Variants in MCTP1 observed in about 807,000 individuals in gnomAD.
MCTP1 encodes multiple C2 and transmembrane domain-containing protein 1.
A neutral mutation model predicts 120.6 loss-of-function variants in MCTP1; 69 were observed. The observed-to-expected ratio is 0.57, with a 90% CI of 0.47 to 0.70. The LOEUF (loss-of-function observed/expected upper bound fraction) is 0.70. MCTP1 is among the 30% of genes least tolerant of loss of function. The pLI is 0.00. For synonymous variants in MCTP1, 529 were observed against 493.1 expected (o/e 1.07, Z -0.96); for missense variants, 1,203 against 1,248.8 (o/e 0.96, Z 0.55).
At chr5:95,004,618 C>T (rs1208713357) in intron 2 of MCTP1, among the ~76,000 whole-genome samples, 1 of 152,152 alleles carries the variant, frequency 6.6e-6, no homozygotes, top group Non-Finnish European at 1.5e-5. Context: ...TGCTAAAAGG[C>T]CCCAGATATG....
chr5:94,801,115 G>A (rs1172013863), intron 17 of MCTP1, among the ~76,000 whole-genome samples: 1 of 152,054 alleles, frequency 6.6e-6, no homozygotes, highest in Non-Finnish European at 1.5e-5. Context: ...TTTGGCTAAA[G>A]TCCATATTCT....
At chr5:94,845,784 C>T (rs1343592016) in intron 17 of MCTP1, among the ~76,000 whole-genome samples, 1 of 152,110 alleles carries the variant, frequency 6.6e-6, no homozygotes, top group Non-Finnish European at 1.5e-5. Context: ...ACTCCTGGGG[C>T]CAGGTGACCA....
chr5:95,264,164 T>G (rs1012418008), intron 1 of MCTP1, among the ~76,000 whole-genome samples: 4 of 152,240 alleles, frequency 2.6e-5, no homozygotes, highest in African/African-American at 7.2e-5. Context: ...AGTGGATTTA[T>G]CCCTTGAGCG....
chr5:94,735,419 C>T (rs753458545), intron 19 of MCTP1, among the ~76,000 whole-genome samples: 10 of 152,148 alleles, frequency 6.6e-5, no homozygotes, highest in Non-Finnish European at 1.3e-4. Flanking sequence ...GCTGAGACTA[C>T]AGGCGTACAC....
chr5:94,775,741 C>T (rs1775149277), intron 19 of MCTP1, among the ~76,000 whole-genome samples: 3 of 151,958 alleles, frequency 2.0e-5, no homozygotes, highest in African/African-American at 4.8e-5. Flanking sequence ...AGACTCACCA[C>T]GTAAAACCTG....
chr5:95,110,652 C>A, intron 1 of MCTP1, among the ~76,000 whole-genome samples: 2 of 152,186 alleles, frequency 1.3e-5, no homozygotes, highest in Admixed American at 1.3e-4. Flanking sequence ...TAGTACCATC[C>A]AGATGATAGT....
intron 2 of MCTP1, among the ~76,000 whole-genome samples, chr5:95,003,889 C>T (rs755710504): frequency 2.6e-5 from 4 of 152,154 alleles, no homozygotes; most frequent in Non-Finnish European, 5.9e-5. Context: ...AATGTGGCAG[C>T]AGCTATGGAA....
intron 1 of MCTP1, among the ~76,000 whole-genome samples, chr5:95,054,134 T>G (rs529669680): frequency 3.3e-5 from 5 of 152,306 alleles, no homozygotes; most frequent in East Asian, 1.9e-4. Flanking sequence ...GAAGTGATCT[T>G]ATTCTGCTCC....
intron 19 of MCTP1, among the ~76,000 whole-genome samples, chr5:94,739,718 G>A (rs192489934): frequency 5.9e-5 from 9 of 152,310 alleles, no homozygotes; most frequent in Admixed American, 5.2e-4. Context: ...AGCCTGGAGT[G>A]CAATGGCATG....
chr5:95,137,479 T>C (rs1262345722), intron 1 of MCTP1, among the ~76,000 whole-genome samples: 2 of 152,184 alleles, frequency 1.3e-5, no homozygotes, highest in African/African-American at 4.8e-5. Flanking sequence ...AAAACTAAAG[T>C]TGCATGCAAT....
In MCTP1 at chr5:95,262,058, T is replaced by A. The variant is rs977770419; in HGVS notation, c.720+21798A>T. 6.6e-5 allele frequency among the ~76,000 whole-genome samples: 10 copies of A among 152,280 alleles called. No homozygotes were observed. In the South Asian group the frequency reaches 1.9e-3, roughly 28 times the overall value. The stretch of plus-strand genomic sequence containing the variant: ...GGCTGTGTCCTGAGGCCAACGGCAA[T>A]GCCTAGTAGGGGCACAGCTGTGAAG... On this transcript the variant is annotated intron_variant, in intron 1 of 22. Coordinates refer to ENST00000515393, the MANE Select transcript of MCTP1 (RefSeq NM_024717.7).
At chr5:95,099,003 G>T (rs1267321609) in intron 1 of MCTP1, among the ~76,000 whole-genome samples, 3 of 152,032 alleles carry the variant, frequency 2.0e-5, no homozygotes, top group Admixed American at 2.0e-4. Context: ...ACAAACCTGA[G>T]AAAAACAAGC....
At chr5:94,718,176 G>A (rs886305382) in intron 19 of MCTP1, among the ~76,000 whole-genome samples, 6 of 151,920 alleles carry the variant, frequency 3.9e-5, no homozygotes, top group African/African-American at 1.2e-4. Flanking sequence ...ATACACCAAC[G>A]GAATAGAAAA....
At position 95,075,753 on chromosome 5, in the gene MCTP1, A is replaced by T. The variant is rs145416213; in HGVS notation, c.721-58269T>A. On this transcript the variant is annotated intron_variant, in intron 1 of 22. Coordinates refer to ENST00000515393, the MANE Select transcript of MCTP1 (RefSeq NM_024717.7). ...TTATCTTTGTTTCTACCCCTTAGAAAACTTGAAACAATAACTTTCTTAACA... is the reference window on the plus strand; with the variant it reads ...TTATCTTTGTTTCTACCCCTTAGAATACTTGAAACAATAACTTTCTTAACA... 3.1e-3 allele frequency among the ~76,000 whole-genome samples: 475 copies of T among 152,344 alleles called. 1 individual carries two copies. Among genetic ancestry groups the T allele is most frequent in the South Asian group, 0.01 (49 of 4,828 alleles).
In MCTP1 at chr5:94,716,293, CAGCT is replaced by C. The variant is rs1759298829; in HGVS notation, c.2611-1411_2611-1408del. On this transcript the variant is annotated intron_variant, in intron 19 of 22. Transcript: ENST00000515393. ...TAAAGCTTAATAACAGTATTGGGAACAGCTAGTTAGCTACTTAGGGTTCCCTACT... is the reference window on the plus strand; with the variant it reads ...TAAAGCTTAATAACAGTATTGGGAACAGTTAGCTACTTAGGGTTCCCTACT... Among the ~76,000 whole-genome samples the C allele has an allele frequency of 2.0e-5, 3 of 152,066 alleles. No homozygotes were observed. The South Asian group carries it at 6.2e-4, about 32-fold the overall frequency.
chr5:95,002,109 A>T (rs1833849366), intron 2 of MCTP1, among the ~76,000 whole-genome samples: 1 of 152,206 alleles, frequency 6.6e-6, no homozygotes, highest in Non-Finnish European at 1.5e-5. Context: ...TATGGTGTTG[A>T]GCCTGTGGGT....
intron 1 of MCTP1, among the ~76,000 whole-genome samples, chr5:95,144,141 G>T (rs553241115): frequency 6.6e-6 from 1 of 152,204 alleles, no homozygotes; most frequent in Non-Finnish European, 1.5e-5. Flanking sequence ...GTTTTGATTT[G>T]CATTTCTCTA....
At chr5:95,048,177 A>C (rs1745033398) in intron 1 of MCTP1, among the ~76,000 whole-genome samples, 1 of 152,222 alleles carries the variant, frequency 6.6e-6, no homozygotes, top group Non-Finnish European at 1.5e-5. Context: ...AGGAGTCAGA[A>C]TGTAATTTAC....
intron 1 of MCTP1, among the ~76,000 whole-genome samples, chr5:95,043,796 C>T (rs990622479): frequency 1.3e-5 from 2 of 152,012 alleles, no homozygotes; most frequent in African/African-American, 4.8e-5. Context: ...AGTACGTGCC[C>T]TTTGTAAATT....
Sources: gnomAD v4.1 joint callset for allele counts (sites outside exome capture counted in the v4.1 genomes callset) on GRCh38, gnomAD v4.1.1 for gene constraint, MANE v1.5 for transcripts, NCBI Gene and HGNC (gene_info 2026-07-23, HGNC 2026-07-21) for gene names.